MTMR4: variants seen among roughly 807,000 people sequenced by gnomAD.
MTMR4 encodes the protein phosphatidylinositol-3,5-bisphosphate 3-phosphatase MTMR4.
MTMR4 carries 30 observed loss-of-function variants against 125.5 expected under a neutral mutation model. The ratio of observed to expected loss-of-function variants is 0.24; its 90% CI spans 0.18 to 0.32. The LOEUF (loss-of-function observed/expected upper bound fraction) is 0.32. MTMR4 is among the 10% of genes least tolerant of loss of function. The pLI, the probability that MTMR4 is intolerant of heterozygous loss-of-function variation, is 1.00. For missense variants in MTMR4, 1,039 were observed against 1,511.5 expected, an observed-to-expected ratio of 0.69 and a Z score of 5.18; for synonymous variants, 498 against 564.5, an observed-to-expected ratio of 0.88 and a Z score of 1.67.
At chr17:58,513,744 G>A (rs995157376) in intron 1 of MTMR4, among the ~76,000 whole-genome samples, 1 of 152,068 alleles carries the variant, frequency 6.6e-6, no homozygotes, top group Non-Finnish European at 1.5e-5. Flanking sequence ...AAGGTGGGGG[G>A]ACAGCTGAGA....
intron 1 of MTMR4, among the ~76,000 whole-genome samples, chr17:58,513,623 C>A (rs183193837): frequency 8.8e-4 from 134 of 152,170 alleles, no homozygotes; most frequent in Non-Finnish European, 1.5e-3. Flanking sequence ...GAACTCCCCT[C>A]CCAACCACCA....
Position 58,512,254 on chromosome 17 carries a change from G to A in MTMR4, c.252+136C>T. The A allele has an allele frequency of 2.8e-6, 2 of 713,754 alleles. No homozygotes were observed. The highest frequency in any genetic ancestry group is 7.3e-4 in the Middle Eastern group (2 of 2,738). The allele number at this position is 713,754 out of a possible 1,614,324, so 44.2% of individuals were successfully genotyped here. ...ACCCGCCTCGGCCTCCCAAAGTGCT[G>A]GGATTACAGGCGTGAGCCACTGCGC... On this transcript the variant is annotated intron_variant, in intron 3 of 17. Coordinates refer to ENST00000682306, the MANE Select transcript of MTMR4 (RefSeq NM_001378067.1). This position sits in a 1 kb window ranked among gnomAD's most constrained non-coding sequence, Gnocchi z 4.1.
chr17:58,511,525 G>A lies in MTMR4; in HGVS notation c.253-14C>T, dbSNP rs543506400. On this transcript the variant is annotated splice_polypyrimidine_tract_variant and intron_variant, in intron 3 of 17. Coordinates refer to ENST00000682306, the MANE Select transcript of MTMR4 (RefSeq NM_001378067.1). ...CCGGAGGGGGACCTGTAGAGGAAGG[G>A]CAAACTGAAGCTCAGACTCCCCACT... 1 of 1,608,854 alleles carries A rather than the reference G, an allele frequency of 6.2e-7. No individual in the cohort carries two copies. Among genetic ancestry groups the A allele is most frequent in the East Asian group, 2.2e-5 (1 of 44,810 alleles).
upstream of MTMR4, among the ~76,000 whole-genome samples, chr17:58,516,180 A>G (rs1976081241): frequency 6.6e-6 from 1 of 152,190 alleles, no homozygotes; most frequent in Non-Finnish European, 1.5e-5. Flanking sequence ...TAGCATCCAC[A>G]ATATTCAAAG....
Position 58,508,751 on chromosome 17 carries a change from A to G in MTMR4, c.426T>C (p.Phe142=), listed in dbSNP as rs138671342. The part of the protein sequence containing the change: ...TARPAKPEDL[F]AFAYHAWCLG... The stretch of plus-strand genomic sequence containing the variant: ...GGCACCAGGCATGGTAGGCAAAGGC[A>G]AAGAGGTCTTCAGGCTTGGCAGGTC... Residue 142 remains phenylalanine, a synonymous_variant, in exon 5 of 18, where the codon TTT becomes TTC. Coordinates refer to ENST00000682306, the MANE Select transcript of MTMR4 (RefSeq NM_001378067.1). The surrounding 1 kb of genome is among the most constrained non-coding windows in gnomAD (Gnocchi z 4.8). The G allele has an allele frequency of 5.4e-3, 8,793 of 1,614,216 alleles. 38 individuals are homozygous for G. Among genetic ancestry groups the G allele is most frequent in the African/African-American group, 9.2e-3 (687 of 75,068 alleles).
At chr17:58,507,389 G>T in intron 7 of MTMR4, 70 bp from the exon 8 acceptor site, 1 of 1,442,976 alleles carries the variant, frequency 6.9e-7, no homozygotes, top group Non-Finnish European at 9.4e-7. Context: ...CAGGGGGTTA[G>T]ACCAAAGTCT....
chr17:58,492,312 C>A (rs1318423775), intron 17 of MTMR4, among the ~76,000 whole-genome samples, 199 bp downstream of exon 17: 1 of 152,208 alleles, frequency 6.6e-6, no homozygotes, highest in Non-Finnish European at 1.5e-5. Context: ...GCTGGGATTA[C>A]AGGCATGCGC....
chr17:58,518,783 G>T (rs1432502433), upstream of MTMR4, among the ~76,000 whole-genome samples: 1 of 152,146 alleles, frequency 6.6e-6, no homozygotes, highest in East Asian at 1.9e-4. Flanking sequence ...CCGTGGCCCC[G>T]CGATACCACC....
intron 1 of MTMR4, among the ~76,000 whole-genome samples, chr17:58,513,444 G>A (rs1234099709): frequency 1.3e-5 from 2 of 152,092 alleles, no homozygotes; most frequent in Non-Finnish European, 2.9e-5. Context: ...TCAGTCCCAC[G>A]CCTCTAGAGG....
rs778868732 is a variant in MTMR4 at position 58,505,461 on chromosome 17, G to A, written c.1145+11C>T. The A allele has an allele frequency of 6.3e-7, 1 of 1,599,310 alleles. No homozygotes were observed. The highest frequency in any genetic ancestry group is 8.6e-7 in the Non-Finnish European group (1 of 1,167,862). On this transcript the variant is annotated intron_variant, in intron 10 of 17. Coordinates refer to ENST00000682306, the MANE Select transcript of MTMR4 (RefSeq NM_001378067.1). ...ATGAGACTGGAAGGAATCCAAGTAG[G>A]GAACACCTACTTGCTAGGATCCGGC... is the stretch of plus-strand genomic sequence containing the variant.
At position 58,504,060 on chromosome 17, in the gene MTMR4, C is replaced by T; in HGVS notation, c.1688G>A (p.Ser563Asn). 6.4e-7 allele frequency: 1 copy of T among 1,558,618 alleles called. No homozygotes were observed. Among genetic ancestry groups the T allele is most frequent in the Non-Finnish European group, 8.7e-7 (1 of 1,153,632 alleles). ...AGGGCTCAGACTCACCATGTCTGAG[C>T]TGGGTGTGTAGAGGAAGTTATGAAA... ...KNFHNFLYTP[S>N]SDMVLHPVCH... is the part of the protein sequence containing the mutation. Residue 563 changes from serine (S) to asparagine (N), a missense_variant, in exon 13 of 18, where the codon AGC becomes AAC. Coordinates refer to ENST00000682306, the MANE Select transcript of MTMR4 (RefSeq NM_001378067.1). The surrounding 1 kb of genome is among the most constrained non-coding windows in gnomAD (Gnocchi z 7.1).
upstream of MTMR4, among the ~76,000 whole-genome samples, chr17:58,518,327 G>T (rs1001077343): frequency 1.3e-5 from 2 of 152,180 alleles, no homozygotes; most frequent in Non-Finnish European, 2.9e-5. Context: ...TTCTGAAACA[G>T]GTCCCCAGTG....
chr17:58,513,505 C>T (rs975366354), intron 1 of MTMR4, among the ~76,000 whole-genome samples: 11 of 152,276 alleles, frequency 7.2e-5, no homozygotes, highest in Middle Eastern at 3.4e-3. Flanking sequence ...CTGGGCTTAT[C>T]TTCTTGTTAG....
At position 58,495,111 on chromosome 17, in the gene MTMR4, C is replaced by T. The variant is rs778039290; in HGVS notation, c.3073G>A (p.Asp1025Asn). ...TCCGTGGGAAAGGGGAGTCCATCAT[C>T]ATCCAAATACAGAGGAGGCACTGGA... ...PSPVPPLYLD[D>N]DGLPFPTDVI... The change falls in exon 15 of 18, where the codon GAT becomes AAT. Residue 1025 changes from aspartate to asparagine, a missense_variant. By Grantham distance (23) the Asp-to-Asn change is conservative. This residue lies in a region of MTMR4 where 619 missense variants were observed against 714.5 expected (regional missense o/e 0.87). Transcript: ENST00000682306. 16 of 1,614,228 alleles carry T rather than the reference C, an allele frequency of 9.9e-6. No individual in the cohort carries two copies. In the Admixed American group the frequency reaches 2.7e-4, roughly 27 times the overall value.
intron 9 of MTMR4, among the ~76,000 whole-genome samples, chr17:58,506,369 G>A (rs1056298651): frequency 2.0e-5 from 3 of 152,094 alleles, no homozygotes; most frequent in Non-Finnish European, 4.4e-5. Context: ...TTGTATTTTT[G>A]ATAGAGGCAG....
Position 58,495,383 on chromosome 17 carries a change from C to T in MTMR4, c.2801G>A (p.Gly934Glu). ...AAGCAGCCGCCGAGGGGTGGCCTCC[C>T]CACTTGGGAATGAAGTCACCATCCC... Reference protein sequence around the residue: ...FQGMVTSFPSGEATPRRLLSY... With the variant: ...FQGMVTSFPSEEATPRRLLSY... Residue 934 changes from glycine (G) to glutamate (E), a missense_variant, in exon 15 of 18, where the codon GGG (glycine) becomes GAG (glutamate). By Grantham distance (98) the Gly-to-Glu change is moderately conservative. This residue lies in a region of MTMR4 where 619 missense variants were observed against 714.5 expected (regional missense o/e 0.87). Coordinates refer to ENST00000682306, the MANE Select transcript of MTMR4 (RefSeq NM_001378067.1). 2 of 1,614,244 alleles carry T rather than the reference C, an allele frequency of 1.2e-6. No individual in the cohort carries two copies. The highest frequency in any genetic ancestry group is 1.1e-5 in the South Asian group (1 of 91,086).
Position 58,508,453 on chromosome 17 carries a change from C to A in MTMR4, c.593+15G>T. The A allele has an allele frequency of 1.2e-6, 2 of 1,613,762 alleles. No homozygotes were observed. Among genetic ancestry groups the A allele is most frequent in the South Asian group, 1.1e-5 (1 of 91,050 alleles). ...AGTTTGGTGTGGAAGGTGTTTTGGT[C>A]CCCAACCCTCTCACTTGTAGTTGCT... On this transcript the variant is annotated intron_variant, in intron 6 of 17. Coordinates refer to ENST00000682306, the MANE Select transcript of MTMR4 (RefSeq NM_001378067.1). This position sits in a 1 kb window ranked among gnomAD's most constrained non-coding sequence, Gnocchi z 4.8.
At chr17:58,510,408 A>G (rs1379521832) in intron 4 of MTMR4, among the ~76,000 whole-genome samples, 2 of 152,060 alleles carry the variant, frequency 1.3e-5, no homozygotes, top group African/African-American at 2.4e-5. Flanking sequence ...TCTTCCACCA[A>G]ATAGCCACAT....
At position 58,490,650 on chromosome 17, in the gene MTMR4, C is replaced by G. The variant is rs1975291946; in HGVS notation, c.*1013G>C. The G allele has an allele frequency of 6.6e-6, 1 of 152,530 alleles. No homozygotes were observed. The highest frequency in any genetic ancestry group is 1.5e-5 in the Non-Finnish European group (1 of 68,018). 9.4% of individuals were successfully genotyped at this position (152,530 alleles called of 1,614,324 possible). On this transcript the variant is annotated 3_prime_UTR_variant, in exon 18 of 18. Transcript: ENST00000682306. ...TTCTACCCTCAAGGTGTCAAGTGTT[C>G]AGGATAAGAAGCAATGTGACCCAGA...
Sources: gnomAD v4.1 joint callset for allele counts (sites outside exome capture counted in the v4.1 genomes callset) on GRCh38, gnomAD v4.1.1 for gene constraint, gnomAD v4.1.1 regional missense constraint, Gnocchi (gnomAD v3.1) non-coding constraint, MANE v1.5 for transcripts, NCBI Gene and HGNC (gene_info 2026-07-23, HGNC 2026-07-21) for gene names.